The following PXDN variants were observed in gnomAD, a reference collection of about 807,000 sequenced individuals.
PXDN encodes the protein peroxidasin, also known as peroxidasin homolog.
PXDN carries 77 observed loss-of-function variants against 140.3 expected under a neutral mutation model. That is an observed-to-expected ratio of 0.55 (90% confidence interval 0.46 to 0.66). The LOEUF is 0.66. Among genes scored for constraint, PXDN ranks in the 30% least tolerant of loss-of-function variants. The pLI is 0.00. For missense variants in PXDN, 1,838 were observed against 2,039.5 expected (o/e 0.90, Z 1.90); for synonymous variants, 911 against 857.4 (o/e 1.06, Z -1.09).
At chr2:1,681,154 G>A (rs903203211) in intron 6 of PXDN, among the ~76,000 whole-genome samples, 4 of 152,144 alleles carry the variant, frequency 2.6e-5, no homozygotes, top group Non-Finnish European at 5.9e-5. Flanking sequence ...TGTGCACTGG[G>A]AGGGGTGCAC....
chr2:1,730,654 C>T (rs1484109453), intron 1 of PXDN, among the ~76,000 whole-genome samples: 3 of 152,176 alleles, frequency 2.0e-5, no homozygotes, highest in Admixed American at 2.0e-4. Context: ...TCCCCAGAAG[C>T]CAATGATCCA....
At position 1,687,646 on chromosome 2, in the gene PXDN, G is replaced by C. The variant is rs753138669; in HGVS notation, c.402C>G (p.Ala134=). The C allele has an allele frequency of 6.6e-7, 1 of 1,518,932 alleles. No homozygotes were observed. Among genetic ancestry groups the C allele is most frequent in the Non-Finnish European group, 9.1e-7 (1 of 1,098,212 alleles). The allele number at this position is 1,518,932 out of a possible 1,614,324, so 94.1% of individuals were successfully genotyped here. A position where few individuals can be genotyped will look rare whatever the true frequency, so the allele number is the denominator to read the frequency against. ...GGGGCACTTACAGTTGCTCTAGAGA[G>C]GCAAGTCCCTTAAATGCTTGCCTGT... The part of the protein sequence containing the change: ...SIDRQAFKGL[A]SLEQLYLHFN... Residue 134 remains alanine (A), a synonymous_variant, in exon 4 of 23, where the codon GCC becomes GCG. Transcript: ENST00000252804. This position sits in a 1 kb window ranked among gnomAD's most constrained non-coding sequence, Gnocchi z 4.0.
chr2:1,676,829 A>G lies in PXDN; in HGVS notation c.848+98T>C, dbSNP rs573446940. The G allele has an allele frequency of 1.6e-4, 186 of 1,130,794 alleles. 3 individuals are homozygous for G. The African/African-American group carries it at 2.6e-3, about 16-fold the overall frequency. The allele number at this position is 1,130,794 out of a possible 1,614,324, so 70.0% of individuals were successfully genotyped here. On this transcript the variant is annotated intron_variant, in intron 8 of 22. Coordinates refer to ENST00000252804, the MANE Select transcript of PXDN (RefSeq NM_012293.3). ...ACTTTTCCCTACGTGGAGGAGGAAA[A>G]GTGGACGTGGGCCTTGGTGGGGAGT...
chr2:1,666,692 T>A (rs1683452599), intron 9 of PXDN, among the ~76,000 whole-genome samples: 1 of 152,140 alleles, frequency 6.6e-6, no homozygotes, highest in Non-Finnish European at 1.5e-5. Context: ...GCAGGCCACG[T>A]GAGAAAAGTG....
chr2:1,693,973 T>C (rs1684240718), intron 1 of PXDN, among the ~76,000 whole-genome samples: 1 of 152,220 alleles, frequency 6.6e-6, no homozygotes, highest in African/African-American at 2.4e-5. Flanking sequence ...AGTGCAGACA[T>C]GCAGAGGCGT....
At chr2:1,703,262 AAGGTAGGGGG>A (rs1684488229) in intron 1 of PXDN, among the ~76,000 whole-genome samples, 1 of 4,258 alleles carries the variant, frequency 2.3e-4, no homozygotes, top group Non-Finnish European at 5.4e-4. Context: ...ACTCCAGGTG[AAGGTAGGGGG>A]CAACTCCAGG....
Position 1,643,593 on chromosome 2 carries a change from G to A in PXDN, c.3744-17C>T. ...TACCACAACCTGGATCCCCCAAAAT[G>A]AAAGCAGGATCAGAGAAGGGCAGGA... On this transcript the variant is annotated splice_polypyrimidine_tract_variant and intron_variant, in intron 18 of 22. Coordinates refer to ENST00000252804, the MANE Select transcript of PXDN (RefSeq NM_012293.3). The A allele has an allele frequency of 6.2e-7, 1 of 1,613,024 alleles. No individual in the cohort carries two copies. Among genetic ancestry groups the A allele is most frequent in the East Asian group, 2.2e-5 (1 of 44,854 alleles).
intron 22 of PXDN, among the ~76,000 whole-genome samples, chr2:1,634,980 C>T (rs1189778739): frequency 6.6e-6 from 1 of 150,412 alleles, no homozygotes; most frequent in Non-Finnish European, 1.5e-5. Flanking sequence ...CTCTGTAACA[C>T]CCCCAGCTCT....
intron 1 of PXDN, among the ~76,000 whole-genome samples, 161 bp from the exon 2 acceptor site, chr2:1,693,295 T>C (rs535072833): frequency 6.6e-6 from 1 of 152,362 alleles, no homozygotes; most frequent in South Asian, 2.1e-4. Context: ...GGCTAGTAAG[T>C]GTATGAATAT....
intron 1 of PXDN, among the ~76,000 whole-genome samples, chr2:1,709,461 G>C (rs1485057516): frequency 7.0e-6 from 1 of 143,000 alleles, no homozygotes; most frequent in African/African-American, 2.7e-5. Context: ...CGGGGCTGGG[G>C]TGCAGCGGGG....
At chr2:1,652,290 T>C (rs1285589823) in intron 16 of PXDN, among the ~76,000 whole-genome samples, 10 of 151,478 alleles carry the variant, frequency 6.6e-5, no homozygotes. Flanking sequence ...AGGTAGGGAG[T>C]AGCAAGAAAT....
At chr2:1,730,945 A>G (rs1278538417) in intron 1 of PXDN, among the ~76,000 whole-genome samples, 1 of 152,186 alleles carries the variant, frequency 6.6e-6, no homozygotes, top group Non-Finnish European at 1.5e-5. Context: ...TCCTGTGAGA[A>G]GAGGAGGGAG....
chr2:1,690,648 C>CAAAAAAAAAAAAAAA (rs35970382), intron 3 of PXDN, among the ~76,000 whole-genome samples: 2 of 68,628 alleles, frequency 2.9e-5, no homozygotes, highest in African/African-American at 5.7e-5. Context: ...TTCAAAATAC[C>CAAAAAAAAAAAAAAA]AAAAAAAAAA....
At chr2:1,717,151 A>G (rs1213137913) in intron 1 of PXDN, among the ~76,000 whole-genome samples, 1 of 152,236 alleles carries the variant, frequency 6.6e-6, no homozygotes, top group Non-Finnish European at 1.5e-5. Context: ...TGACGTCTAG[A>G]AACGCTGGCC....
intron 9 of PXDN, among the ~76,000 whole-genome samples, chr2:1,671,515 G>T (rs1323700928): frequency 6.6e-6 from 1 of 151,990 alleles, no homozygotes; most frequent in South Asian, 2.1e-4. Flanking sequence ...CTGCCAATAC[G>T]AATCAAGTAG....
chr2:1,702,443 C>T (rs1391007927), intron 1 of PXDN, among the ~76,000 whole-genome samples: 4 of 152,196 alleles, frequency 2.6e-5, no homozygotes, highest in Admixed American at 6.5e-5. Flanking sequence ...CAGAGGCTGA[C>T]TCTCCCACAT....
chr2:1,648,810 C>G lies in PXDN; in HGVS notation c.2970G>C (p.Leu990=), dbSNP rs537605716. The change falls in exon 17 of 23, where the codon CTG becomes CTC. Residue 990 remains leucine (L), a synonymous_variant. Transcript: ENST00000252804. The surrounding 1 kb of genome is among the most constrained non-coding windows in gnomAD (Gnocchi z 8.9). ...EQLGLTSMHT[L]WFREHNRIAT... ...CAATGCGGTTGTGCTCGCGGAACCA[C>G]AGCGTGTGCATGCTGGTCAGGCCCA... 8.7e-6 allele frequency: 14 copies of G among 1,602,962 alleles called. No homozygotes were observed. In the East Asian group the frequency reaches 1.6e-4, roughly 18 times the overall value.
At chr2:1,731,133 C>T (rs1182166437) in intron 1 of PXDN, among the ~76,000 whole-genome samples, 1 of 136,258 alleles carries the variant, frequency 7.3e-6, no homozygotes, top group Non-Finnish European at 1.6e-5. Flanking sequence ...GCCAACAGAA[C>T]ACTGTTGAGA....
Position 1,653,772 on chromosome 2 carries a change from G to A in PXDN, c.1960C>T (p.Pro654Ser). The A allele has an allele frequency of 6.3e-7, 1 of 1,577,454 alleles. No individual in the cohort carries two copies. Among genetic ancestry groups the A allele is most frequent in the Non-Finnish European group, 8.6e-7 (1 of 1,159,788 alleles). Residue 654 changes from proline (P) to serine (S), a missense_variant, in exon 16 of 23, where the codon CCA becomes TCA. Physicochemically the swap from Pro to Ser is moderately conservative, Grantham distance 74. Transcript: ENST00000252804. Reference protein sequence around the residue: ...THLFDSRPRSPNDLLALFRYP... With the variant: ...THLFDSRPRSSNDLLALFRYP... The stretch of plus-strand genomic sequence containing the variant: ...CGGAACAAGGCCAGCAAATCATTTG[G>A]AGAACGAGGACGGCTAACCAGAGTT...
Sources: gnomAD v4.1 joint callset for allele counts (sites outside exome capture counted in the v4.1 genomes callset) on GRCh38, gnomAD v4.1.1 for gene constraint, Gnocchi (gnomAD v3.1) non-coding constraint, MANE v1.5 for transcripts, NCBI Gene and HGNC (gene_info 2026-07-23, HGNC 2026-07-21) for gene names.